The following TARDBP variants were observed in gnomAD, a reference collection of about 807,000 sequenced individuals.
The protein encoded by TARDBP is TAR DNA-binding protein 43.
A neutral mutation model predicts 38.3 loss-of-function variants in TARDBP; 4 were observed. The observed-to-expected ratio is 0.10, with a 90% CI of 0.05 to 0.24. TARDBP has a LOEUF of 0.24. Among genes scored for constraint, TARDBP ranks in the 10% least tolerant of loss-of-function variants. TARDBP has a pLI of 1.00. For missense variants in TARDBP, 202 were observed against 521.9 expected (o/e 0.39, Z 5.97); for synonymous variants, 184 against 183.8 (o/e 1.00, Z -0.01).
At chr1:11,021,140 C>CT (rs568381462) in intron 5 of TARDBP, among the ~76,000 whole-genome samples, 2,522 of 146,432 alleles carry the variant, frequency 0.017, 72 homozygotes, top group Admixed American at 0.069. Context: ...ATGTTATATA[C>CT]TTTTTTTTTT....
At chr1:11,014,550 G>T (rs1411004310) in intron 2 of TARDBP, among the ~76,000 whole-genome samples, 1 of 152,186 alleles carries the variant, frequency 6.6e-6, no homozygotes, top group Admixed American at 6.5e-5. Flanking sequence ...GCTGTTAGTA[G>T]TCGATCTGTC....
chr1:11,028,312 C>A (rs548131384), downstream of TARDBP, among the ~76,000 whole-genome samples: 3 of 152,186 alleles, frequency 2.0e-5, no homozygotes, highest in South Asian at 6.2e-4. Flanking sequence ...AAGGATATAA[C>A]CTTTTCATTG....
Position 11,019,285 on chromosome 1 carries a change from A to G in TARDBP, c.543+412A>G, listed in dbSNP as rs1351870540. On this transcript the variant is annotated intron_variant, in intron 4 of 5. Coordinates refer to ENST00000240185, the MANE Select transcript of TARDBP (RefSeq NM_007375.4). Reference sequence around the variant, plus strand: ...CATCATCTTTGCCAAGAGATTGCTTATTTATTAATTTTCTCAAATCCAAAC... The same window carrying G: ...CATCATCTTTGCCAAGAGATTGCTTGTTTATTAATTTTCTCAAATCCAAAC... 9.6e-6 allele frequency: 3 copies of G among 312,002 alleles called. No homozygotes were observed. In the East Asian group the frequency reaches 2.6e-4, roughly 27 times the overall value. 19.3% of individuals were successfully genotyped at this position (312,002 alleles called of 1,614,324 possible).
chr1:11,019,315 T>C (rs1254249891), intron 4 of TARDBP: 1 of 307,360 alleles, frequency 3.3e-6, no homozygotes, highest in Non-Finnish European at 6.2e-6. Flanking sequence ...CCAAACACAG[T>C]CATGTATCAC....
At chr1:11,018,427 G>A (rs1188342236) in intron 3 of TARDBP, 6 of 400,010 alleles carry the variant, frequency 1.5e-5, no homozygotes, top group African/African-American at 4.1e-5. Context: ...GTGCTCAAGC[G>A]ATCCACCCTC....
Position 11,023,485 on chromosome 1 carries a change from C to T in TARDBP, c.*831C>T, listed in dbSNP as rs1484743055. The T allele has an allele frequency of 5.4e-6, 3 of 555,818 alleles. No homozygotes were observed. The highest frequency in any genetic ancestry group is 9.6e-6 in the Non-Finnish European group (3 of 312,380). The allele number at this position is 555,818 out of a possible 1,614,324, so 34.4% of individuals were successfully genotyped here. On this transcript the variant is annotated 3_prime_UTR_variant, in exon 6 of 6. Transcript: ENST00000240185. Reference sequence around the variant, plus strand: ...CCGAGGCATGAAAGGCTAGTATGAGCGAGAAAAGGAGAGAGCGCGTGCAGA... The same window carrying T: ...CCGAGGCATGAAAGGCTAGTATGAGTGAGAAAAGGAGAGAGCGCGTGCAGA...
chr1:11,021,699 G>A (rs372737549), intron 5 of TARDBP, among the ~76,000 whole-genome samples: 27 of 152,168 alleles, frequency 1.8e-4, no homozygotes, highest in African/African-American at 6.3e-4. Flanking sequence ...AGCCTCCAGG[G>A]GGAGGATCCT....
Position 11,022,108 on chromosome 1 carries a change from C to T in TARDBP, c.715-16C>T, listed in dbSNP as rs1333328230. 22 of 1,613,700 alleles carry T rather than the reference C, an allele frequency of 1.4e-5. No individual in the cohort carries two copies. Among genetic ancestry groups the T allele is most frequent in the Non-Finnish European group, 1.9e-5 (22 of 1,179,772 alleles). On this transcript the variant is annotated splice_polypyrimidine_tract_variant and intron_variant, in intron 5 of 5. Coordinates refer to ENST00000240185, the MANE Select transcript of TARDBP (RefSeq NM_007375.4). The surrounding 1 kb of genome is among the most constrained non-coding windows in gnomAD (Gnocchi z 4.5). Reference sequence around the variant, plus strand: ...GTGGTTTAATCTTCTTTGTTTACATCCCTTATTTCTTATAGATTGCGCAGT... The same window carrying T: ...GTGGTTTAATCTTCTTTGTTTACATTCCTTATTTCTTATAGATTGCGCAGT...
intron 5 of TARDBP, among the ~76,000 whole-genome samples, chr1:11,020,978 C>G (rs1407407542): frequency 6.6e-6 from 1 of 152,032 alleles, no homozygotes. Flanking sequence ...CAGCTAATTG[C>G]TATTCTTAGC....
Position 11,016,932 on chromosome 1 carries a change from G to A in TARDBP, c.327G>A (p.Leu109=). Residue 109 remains leucine, a synonymous_variant, in exon 3 of 6, where the codon TTG becomes TTA. Coordinates refer to ENST00000240185, the MANE Select transcript of TARDBP (RefSeq NM_007375.4). ...AGAAAACATCCGATTTAATAGTGTT[G>A]GGTCTCCCATGGAAAACAACCGAAC... ...AVQKTSDLIV[L]GLPWKTTEQD... is the part of the protein sequence containing the mutation. 6.2e-7 allele frequency: 1 copy of A among 1,614,170 alleles called. No individual in the cohort carries two copies. The highest frequency in any genetic ancestry group is 8.5e-7 in the Non-Finnish European group (1 of 1,180,032).
At chr1:11,018,569 C>A in intron 3 of TARDBP, 164 bp from the exon 4 acceptor site, 1 of 865,276 alleles carries the variant, frequency 1.2e-6, no homozygotes, top group Non-Finnish European at 1.9e-6. Flanking sequence ...AGTATGGATT[C>A]AATATTAACC....
downstream of TARDBP, chr1:11,026,650 G>C: frequency 2.7e-6 from 1 of 365,894 alleles, no homozygotes; most frequent in Admixed American, 4.6e-5. Flanking sequence ...ATTACACTGG[G>C]TGGGCAAAGA....
downstream of TARDBP, among the ~76,000 whole-genome samples, chr1:11,028,731 T>A (rs1242968716): frequency 7.3e-6 from 1 of 137,824 alleles, no homozygotes; most frequent in Non-Finnish European, 1.6e-5. Context: ...TTTTTTTTTT[T>A]GAGACAGAGT....
chr1:11,027,251 A>G (rs1299530848), downstream of TARDBP: 6 of 1,614,190 alleles, frequency 3.7e-6, no homozygotes, highest in Non-Finnish European at 4.2e-6. Context: ...TTCCAATGTC[A>G]TCTGTCCTCA....
intron 3 of TARDBP, 89 bp from the exon 4 acceptor site, chr1:11,018,644 A>G (rs1267970606): frequency 7.5e-6 from 12 of 1,593,160 alleles, no homozygotes; most frequent in African/African-American, 2.7e-5. Context: ...AGTTGAAACC[A>G]TTCAAATTGT....
At chr1:11,013,687 T>C in intron 1 of TARDBP, 29 bp from the exon 2 acceptor site, 1 of 1,475,978 alleles carries the variant, frequency 6.8e-7, no homozygotes, top group Non-Finnish European at 9.4e-7. Context: ...GACATGAATG[T>C]TGTTCATTCA....
intron 2 of TARDBP, among the ~76,000 whole-genome samples, chr1:11,014,654 T>A (rs929048241): frequency 7.2e-5 from 11 of 152,160 alleles, no homozygotes; most frequent in Admixed American, 6.5e-5. Context: ...AGGAAAACTT[T>A]AGGGCTAGGC....
At position 11,023,051 on chromosome 1, in the gene TARDBP, C is replaced by T. The variant is rs1643671818; in HGVS notation, c.*397C>T. On this transcript the variant is annotated 3_prime_UTR_variant, in exon 6 of 6. Coordinates refer to ENST00000240185, the MANE Select transcript of TARDBP (RefSeq NM_007375.4). ...ACCCCTTGTTTTAATTTGAACCCCACCATATGGATTTTTTTCCTTAAGAAA... is the reference window on the plus strand; with the variant it reads ...ACCCCTTGTTTTAATTTGAACCCCATCATATGGATTTTTTTCCTTAAGAAA... 4.8e-6 allele frequency: 7 copies of T among 1,447,028 alleles called. No homozygotes were observed. In the East Asian group the frequency reaches 1.8e-4, roughly 36 times the overall value. The allele number at this position is 1,447,028 out of a possible 1,614,324, so 89.6% of individuals were successfully genotyped here. A position where few individuals can be genotyped will look rare whatever the true frequency, so the allele number is the denominator to read the frequency against.
intron 2 of TARDBP, among the ~76,000 whole-genome samples, chr1:11,016,589 G>C (rs1003906917): frequency 6.6e-6 from 1 of 152,194 alleles, no homozygotes; most frequent in Admixed American, 6.5e-5. Context: ...CCTTTTGAGA[G>C]GGAGAGATTG....
Sources: allele counts gnomAD v4.1 joint callset (sites outside exome capture counted in the v4.1 genomes callset), GRCh38; gene constraint gnomAD v4.1.1; non-coding constraint Gnocchi (gnomAD v3.1); transcripts MANE v1.5; gene names NCBI Gene and HGNC (gene_info 2026-07-23, HGNC 2026-07-21).